The following TIGD1 variants were observed in gnomAD, a reference collection of about 807,000 sequenced individuals.
TIGD1 encodes tigger transposable element derived 1.
TIGD1 carries 20 observed loss-of-function variants against 21.3 expected under a neutral mutation model. The observed-to-expected ratio is 0.94, with a 90% CI of 0.66 to 1.36. The LOEUF (loss-of-function observed/expected upper bound fraction) is 1.36, where lower values mean the gene tolerates loss of function less well. Among genes scored for constraint, TIGD1 ranks in the 40% most tolerant of loss-of-function variants. The pLI is 0.00. For missense variants in TIGD1, 556 were observed against 350.5 expected (o/e 1.59, Z -4.68); for synonymous variants, 177 against 123.2 (o/e 1.44, Z -2.89).
Position 232,549,992 on chromosome 2 carries a change from C to G in TIGD1, c.-110G>C, listed in dbSNP as rs1427658252. On this transcript the variant is annotated 5_prime_UTR_variant, in exon 1 of 1. Transcript: ENST00000408957. ...CGGTCTGTGGGTGGAGCGGTCAGAA[C>G]ACACACAACATTAAGTTCCACGTCT... The G allele has an allele frequency of 1.3e-5, 8 of 603,262 alleles. No individual in the cohort carries two copies. The highest frequency in any genetic ancestry group is 2.3e-5 in the Non-Finnish European group (8 of 345,238). 37.4% of individuals were successfully genotyped at this position (603,262 alleles called of 1,614,324 possible).
chr2:232,549,860 T>C lies in TIGD1; in HGVS notation c.23A>G (p.Glu8Gly), dbSNP rs1692240711. 4 of 1,516,040 alleles carry C rather than the reference T, an allele frequency of 2.6e-6. No homozygotes were observed. Among genetic ancestry groups the C allele is most frequent in the African/African-American group, 1.4e-5 (1 of 72,052 alleles). 93.9% of individuals were successfully genotyped at this position (1,516,040 alleles called of 1,614,324 possible). A position where few individuals can be genotyped will look rare whatever the true frequency, so the allele number is the denominator to read the frequency against. The part of the protein sequence containing the change: MASKCSS[E>G]RKSRTSLTLN... ...AGTGAGAGATGTGCGACTCTTCCTTTCACTTGAGCACTTAGAGGCCATTGC... is the reference window on the plus strand; with the variant it reads ...AGTGAGAGATGTGCGACTCTTCCTTCCACTTGAGCACTTAGAGGCCATTGC... The change falls in exon 1 of 1, where the codon GAA (glutamate) becomes GGA (glycine). Residue 8 changes from glutamate (E) to glycine (G), a missense_variant. By Grantham distance (98) the Glu-to-Gly change is moderately conservative. Transcript: ENST00000408957.
rs529762226 is a variant in TIGD1 at position 232,546,057 on chromosome 2, T to C, written c.*2050A>G. 2.2e-4 allele frequency: 90 copies of C among 404,770 alleles called. No homozygotes were observed. The highest frequency in any genetic ancestry group is 1.6e-3 in the African/African-American group (80 of 48,910). The allele number at this position is 404,770 out of a possible 1,614,324, so 25.1% of individuals were successfully genotyped here. A position where few individuals can be genotyped will look rare whatever the true frequency, so the allele number is the denominator to read the frequency against. ...CTGAAGCCCGAAGGACTGTTTTGTA[T>C]AATACCTTCGGACTTGGGACTGGCT... On this transcript the variant is annotated 3_prime_UTR_variant, in exon 1 of 1. Coordinates refer to ENST00000408957, the MANE Select transcript of TIGD1 (RefSeq NM_145702.4).
chr2:232,550,031 G>GT lies in TIGD1; in HGVS notation c.-150dup, dbSNP rs55984461. ...AGTTCCACGTCTTATAAAAGACGCT[G>GT]TATGTGGCACCCCAAAACAATGACA... On this transcript the variant is annotated 5_prime_UTR_variant, in exon 1 of 1. The change creates a premature stop within an existing upstream ORF in the 5' untranslated region. Coordinates refer to ENST00000408957, the MANE Select transcript of TIGD1 (RefSeq NM_145702.4). The GT allele has an allele frequency of 6.9e-3, 3,508 of 510,862 alleles. 26 individuals are homozygous for GT. The highest frequency in any genetic ancestry group is 9.1e-3 in the Admixed American group (228 of 25,004). 31.6% of individuals were successfully genotyped at this position (510,862 alleles called of 1,614,324 possible). A position where few individuals can be genotyped will look rare whatever the true frequency, so the allele number is the denominator to read the frequency against.
Position 232,544,915 on chromosome 2 carries a change from AGGGTGG to A in TIGD1, c.*3186_*3191del. The A allele has an allele frequency of 6.2e-7, 1 of 1,613,744 alleles. No individual in the cohort carries two copies. On this transcript the variant is annotated 3_prime_UTR_variant, in exon 1 of 1. Transcript: ENST00000408957. ...TCACTTTGACAATGTAAGCTGAGTC[AGGGTGG>A]GGTGGAGGTGGAGTGAGTACCTGGG...
Position 232,544,693 on chromosome 2 carries a change from G to C in TIGD1, c.*3414C>G. 1 of 1,581,452 alleles carries C rather than the reference G, an allele frequency of 6.3e-7. No homozygotes were observed. Among genetic ancestry groups the C allele is most frequent in the South Asian group, 1.1e-5 (1 of 90,132 alleles). On this transcript the variant is annotated 3_prime_UTR_variant, in exon 1 of 1. Coordinates refer to ENST00000408957, the MANE Select transcript of TIGD1 (RefSeq NM_145702.4). ...GCCCAGGTCAGGGAGAGAGGAGCTGGGGTCCCTAAGGAGAGGCCATCTTCT... is the reference window on the plus strand; with the variant it reads ...GCCCAGGTCAGGGAGAGAGGAGCTGCGGTCCCTAAGGAGAGGCCATCTTCT...
Position 232,550,097 on chromosome 2 carries a change from A to G in TIGD1, c.-215T>C. 2.3e-6 allele frequency: 1 copy of G among 430,968 alleles called. No individual in the cohort carries two copies. Among genetic ancestry groups the G allele is most frequent in the Non-Finnish European group, 4.2e-6 (1 of 236,948 alleles). The allele number at this position is 430,968 out of a possible 1,614,324, so 26.7% of individuals were successfully genotyped here. A position where few individuals can be genotyped will look rare whatever the true frequency, so the allele number is the denominator to read the frequency against. On this transcript the variant is annotated 5_prime_UTR_variant, in exon 1 of 1. Coordinates refer to ENST00000408957, the MANE Select transcript of TIGD1 (RefSeq NM_145702.4). ...ATCACTGATCATAGATCACCATAACAGACACAGAAATCATGAAAAAGTTTT... is the reference window on the plus strand; with the variant it reads ...ATCACTGATCATAGATCACCATAACGGACACAGAAATCATGAAAAAGTTTT...
In TIGD1 at chr2:232,544,605, G is replaced by A; in HGVS notation, c.*3502C>T. ...GGTGAGACACACCAGGTGTGCCTGG[G>A]GACAGTCCTCCCCTGGGACCCCAGC... is the stretch of plus-strand genomic sequence containing the variant. On this transcript the variant is annotated 3_prime_UTR_variant, in exon 1 of 1. Coordinates refer to ENST00000408957, the MANE Select transcript of TIGD1 (RefSeq NM_145702.4). The A allele has an allele frequency of 6.3e-7, 1 of 1,599,274 alleles. No individual in the cohort carries two copies. Among genetic ancestry groups the A allele is most frequent in the African/African-American group, 1.3e-5 (1 of 74,690 alleles).
rs1692195997 is a variant in TIGD1 at position 232,548,969 on chromosome 2, G to C, written c.914C>G (p.Pro305Arg). The C allele has an allele frequency of 1.4e-6, 1 of 691,140 alleles. No homozygotes were observed. Among genetic ancestry groups the C allele is most frequent in the Non-Finnish European group, 2.7e-6 (1 of 376,838 alleles). The allele number at this position is 691,140 out of a possible 1,614,324, so 42.8% of individuals were successfully genotyped here. A position where few individuals can be genotyped will look rare whatever the true frequency, so the allele number is the denominator to read the frequency against. Residue 305 changes from proline to arginine, a missense_variant, in exon 1 of 1, where the codon CCT becomes CGT. Physicochemically the swap from Pro to Arg is moderately radical, Grantham distance 103 (BLOSUM62 -2). Coordinates refer to ENST00000408957, the MANE Select transcript of TIGD1 (RefSeq NM_145702.4). ...FKILLLIDNA[P>R]SHPRALMEIY... Reference sequence around the variant, plus strand: ...CTCCATCAGAGCTCTTGGATGACTAGGGGCATTGTCAATGAGCAGTAATAT... The same window carrying C: ...CTCCATCAGAGCTCTTGGATGACTACGGGCATTGTCAATGAGCAGTAATAT...
rs1475225432 is a variant in TIGD1 at position 232,544,354 on chromosome 2, A to AC, written c.*3752dup. 6.2e-7 allele frequency: 1 copy of AC among 1,605,396 alleles called. No homozygotes were observed. The highest frequency in any genetic ancestry group is 8.5e-7 in the Non-Finnish European group (1 of 1,173,350). Reference sequence around the variant, plus strand: ...CTCGGCCTGCTGCCCTAGTGAAGCCACCCCCTCTCTAGGTGTTCCTGAGGC... The same window carrying AC: ...CTCGGCCTGCTGCCCTAGTGAAGCCACCCCCCTCTCTAGGTGTTCCTGAGGC... On this transcript the variant is annotated 3_prime_UTR_variant, in exon 1 of 1. Transcript: ENST00000408957.
rs1003728724 is a variant in TIGD1 at position 232,547,948 on chromosome 2, A to G, written c.*159T>C. 6 of 453,878 alleles carry G rather than the reference A, an allele frequency of 1.3e-5. No homozygotes were observed. Among genetic ancestry groups the G allele is most frequent in the Non-Finnish European group, 2.3e-5 (6 of 260,674 alleles). 28.1% of individuals were successfully genotyped at this position (453,878 alleles called of 1,614,324 possible). On this transcript the variant is annotated 3_prime_UTR_variant, in exon 1 of 1. Transcript: ENST00000408957. ...ATTGCAGGTTCAGTTCCAGACCAAC[A>G]CAAGAAAGCAAGTCACATGAATGTT...
chr2:232,546,195 C>T lies in TIGD1; in HGVS notation c.*1912G>A, dbSNP rs746596667. 3.2e-5 allele frequency: 7 copies of T among 220,724 alleles called. No individual in the cohort carries two copies. Among genetic ancestry groups the T allele is most frequent in the South Asian group, 7.2e-5 (1 of 13,866 alleles). The allele number at this position is 220,724 out of a possible 1,614,324, so 13.7% of individuals were successfully genotyped here. A position where few individuals can be genotyped will look rare whatever the true frequency, so the allele number is the denominator to read the frequency against. ...CCCATACCAGCTGGCATCTCCCCCC[C>T]GTGCCTTCTGGGTACAATAAGCACC... On this transcript the variant is annotated 3_prime_UTR_variant, in exon 1 of 1. Transcript: ENST00000408957.
At position 232,544,585 on chromosome 2, in the gene TIGD1, GAC is replaced by G. The variant is rs771519205; in HGVS notation, c.*3520_*3521del. On this transcript the variant is annotated 3_prime_UTR_variant, in exon 1 of 1. Coordinates refer to ENST00000408957, the MANE Select transcript of TIGD1 (RefSeq NM_145702.4). The stretch of plus-strand genomic sequence containing the variant: ...CGGCAGCGCTGGAGAAGCTAGGTGA[GAC>G]ACACCAGGTGTGCCTGGGGACAGTC... The G allele has an allele frequency of 6.2e-7, 1 of 1,611,034 alleles. No homozygotes were observed. The highest frequency in any genetic ancestry group is 1.1e-5 in the South Asian group (1 of 91,012).
At position 232,543,948 on chromosome 2, in the gene TIGD1, G is replaced by A. The variant is rs577620943; in HGVS notation, c.*4159C>T. ...ATCACCTCCAATTACAGATGAGGAC[G>A]TTGAGGCGCAGAGAGGTTAAGTAAC... On this transcript the variant is annotated 3_prime_UTR_variant, in exon 1 of 1. Transcript: ENST00000408957. 6.6e-6 allele frequency among the ~76,000 whole-genome samples: 1 copy of A among 152,358 alleles called. No individual in the cohort carries two copies. The highest frequency in any genetic ancestry group is 6.5e-5 in the Admixed American group (1 of 15,310).
At position 232,546,067 on chromosome 2, in the gene TIGD1, G is replaced by A. The variant is rs111802317; in HGVS notation, c.*2040C>T. 431 of 375,230 alleles carry A rather than the reference G, an allele frequency of 1.1e-3. No homozygotes were observed. Among genetic ancestry groups the A allele is most frequent in the African/African-American group, 8.0e-3 (382 of 48,024 alleles). 23.2% of individuals were successfully genotyped at this position (375,230 alleles called of 1,614,324 possible). ...AAGGACTGTTTTGTATAATACCTTCGGACTTGGGACTGGCTCCCCTTTTAC... is the reference window on the plus strand; with the variant it reads ...AAGGACTGTTTTGTATAATACCTTCAGACTTGGGACTGGCTCCCCTTTTAC... On this transcript the variant is annotated 3_prime_UTR_variant, in exon 1 of 1. Coordinates refer to ENST00000408957, the MANE Select transcript of TIGD1 (RefSeq NM_145702.4).
In TIGD1 at chr2:232,548,158, C is replaced by A; in HGVS notation, c.1725G>T (p.Arg575Ser). 7.5e-7 allele frequency: 1 copy of A among 1,332,368 alleles called. No individual in the cohort carries two copies. Among genetic ancestry groups the A allele is most frequent in the Non-Finnish European group, 1.0e-6 (1 of 980,726 alleles). The allele number at this position is 1,332,368 out of a possible 1,614,324, so 82.5% of individuals were successfully genotyped here. A position where few individuals can be genotyped will look rare whatever the true frequency, so the allele number is the denominator to read the frequency against. Residue 575 changes from arginine to serine, a missense_variant, in exon 1 of 1, where the codon AGG becomes AGT. By Grantham distance (110) the Arg-to-Ser change is moderately radical (BLOSUM62 -1). Coordinates refer to ENST00000408957, the MANE Select transcript of TIGD1 (RefSeq NM_145702.4). The part of the protein sequence containing the change: ...TLTSQQPSTS[R>S]QDPPPAKRVR... Reference sequence around the variant, plus strand: ...CTCTTTTTGCTGGTGGAGGGTCTTGCCTCGAGGTTGATGGTTGCTGACTGG... The same window carrying A: ...CTCTTTTTGCTGGTGGAGGGTCTTGACTCGAGGTTGATGGTTGCTGACTGG...
Position 232,547,161 on chromosome 2 carries a change from C to T in TIGD1, c.*946G>A, listed in dbSNP as rs547944445. Among the ~76,000 whole-genome samples, 56 of 152,154 alleles carry T rather than the reference C, an allele frequency of 3.7e-4. No homozygotes were observed. The highest frequency in any genetic ancestry group is 6.9e-4 in the Non-Finnish European group (47 of 68,014). On this transcript the variant is annotated 3_prime_UTR_variant, in exon 1 of 1. Transcript: ENST00000408957. The stretch of plus-strand genomic sequence containing the variant: ...GTGGCTCACACCTGCAATCCCAGCA[C>T]CTTGGGAGGACAAGGTGGGTGGACT...
chr2:232,549,419 G>T lies in TIGD1; in HGVS notation c.464C>A (p.Ala155Glu), dbSNP rs1442277281. The change falls in exon 1 of 1, where the codon GCA becomes GAA. Residue 155 changes from alanine (A) to glutamate (E), a missense_variant. Physicochemically the swap from Ala to Glu is moderately radical, Grantham distance 107 (BLOSUM62 -1). Coordinates refer to ENST00000408957, the MANE Select transcript of TIGD1 (RefSeq NM_145702.4). ...TGCTGCAGCTTCTACATCAGCACTT[G>T]CTGCTTCACCTTGTGCTTTTATGTT... ...FHNIKAQGEA[A>E]SADVEAAASY... 1 of 644,538 alleles carries T rather than the reference G, an allele frequency of 1.6e-6. No individual in the cohort carries two copies. Among genetic ancestry groups the T allele is most frequent in the South Asian group, 1.8e-5 (1 of 55,238 alleles). 39.9% of individuals were successfully genotyped at this position (644,538 alleles called of 1,614,324 possible).
At position 232,545,009 on chromosome 2, in the gene TIGD1, A is replaced by G; in HGVS notation, c.*3098T>C. 6.9e-7 allele frequency: 1 copy of G among 1,449,100 alleles called. No individual in the cohort carries two copies. Among genetic ancestry groups the G allele is most frequent in the African/African-American group, 1.4e-5 (1 of 71,520 alleles). The allele number at this position is 1,449,100 out of a possible 1,614,324, so 89.8% of individuals were successfully genotyped here. ...CAAGATAGGGCAGTGGGATGGAAAA[A>G]CATGAGGCCGGGTGCAGTGGGTCAC... On this transcript the variant is annotated 3_prime_UTR_variant, in exon 1 of 1. Transcript: ENST00000408957.
chr2:232,546,086 C>T lies in TIGD1; in HGVS notation c.*2021G>A. The T allele has an allele frequency of 2.8e-6, 1 of 359,350 alleles. No homozygotes were observed. The allele number at this position is 359,350 out of a possible 1,614,324, so 22.3% of individuals were successfully genotyped here. A position where few individuals can be genotyped will look rare whatever the true frequency, so the allele number is the denominator to read the frequency against. On this transcript the variant is annotated 3_prime_UTR_variant, in exon 1 of 1. Coordinates refer to ENST00000408957, the MANE Select transcript of TIGD1 (RefSeq NM_145702.4). ...ACCTTCGGACTTGGGACTGGCTCCC[C>T]TTTTACAAGTTCTCCCTGAAAGAGG...
Sources: gnomAD v4.1 joint callset for allele counts (sites outside exome capture counted in the v4.1 genomes callset) on GRCh38, gnomAD v4.1.1 for gene constraint, MANE v1.5 for transcripts, NCBI Gene and HGNC (gene_info 2026-07-23, HGNC 2026-07-21) for gene names.